The following HPS4 variants were observed in gnomAD, a reference collection of about 807,000 sequenced individuals.
HPS4 encodes the protein HPS4 biogenesis of lysosomal organelles complex 3 subunit 2, also known as BLOC-3 complex member HPS4.
A neutral mutation model predicts 70.3 loss-of-function variants in HPS4; 44 were observed. The observed-to-expected ratio is 0.63, with a 90% confidence interval of 0.49 to 0.80. HPS4 has a LOEUF of 0.80. Ranked by LOEUF, HPS4 falls within the 30% of genes least tolerant of loss-of-function variation. The pLI is 0.00. For missense variants in HPS4, 873 were observed against 884.4 expected, an observed-to-expected ratio of 0.99 and a Z score of 0.16; for synonymous variants, 377 against 355.9, an observed-to-expected ratio of 1.06 and a Z score of -0.67.
rs762613783 is a variant in HPS4, at chr22:26,464,301, G to A, written c.1329C>T (p.Leu443=). Residue 443 remains leucine, a synonymous_variant, in exon 11 of 14, where the codon CTC becomes CTT. Transcript: ENST00000398145. ...GGCTGCTATGGCCAGGATGGTCTTC[G>A]AGCTGCTCTTGGGCTCCATGCTGGG... ...MLTQHGAQEQ[L]EDHPGHSSQA... 24 of 1,613,942 alleles carry A rather than the reference G, an allele frequency of 1.5e-5. No homozygotes were observed. Among genetic ancestry groups the A allele is most frequent in the East Asian group, 2.2e-5 (1 of 44,880 alleles).
At chr22:26,450,007 A>G (rs1415967194), downstream of HPS4, among the ~76,000 whole-genome samples, 1 of 152,308 alleles carries the variant, frequency 6.6e-6, no homozygotes, top group East Asian at 1.9e-4. Flanking sequence ...TGGCGGCCAC[A>G]TCACTCCAGT....
intron 2 of HPS4, among the ~76,000 whole-genome samples, chr22:26,479,946 C>G (rs1359966479): frequency 6.6e-6 from 1 of 152,192 alleles, no homozygotes; most frequent in East Asian, 1.9e-4. Flanking sequence ...CTCTGAACTC[C>G]TCTCTACCAT....
At chr22:26,461,232 A>G (rs934828101) in intron 11 of HPS4, among the ~76,000 whole-genome samples, 2 of 152,234 alleles carry the variant, frequency 1.3e-5, no homozygotes, top group African/African-American at 4.8e-5. Context: ...GTTTTTTCAT[A>G]AAATGTTTTA....
intron 11 of HPS4, among the ~76,000 whole-genome samples, chr22:26,462,031 T>A (rs550570877): frequency 6.6e-6 from 1 of 150,396 alleles, no homozygotes; most frequent in Admixed American, 6.7e-5. Context: ...GAGGTTGAGG[T>A]AGGAGAACCG....
At position 26,452,026 on chromosome 22, in the gene HPS4, ACACACACACACACACACT is replaced by A. The variant is rs2085309021; in HGVS notation, c.*1189_*1206del. On this transcript the variant is annotated 3_prime_UTR_variant, in exon 14 of 14. Transcript: ENST00000398145. The stretch of plus-strand genomic sequence containing the variant: ...CGCGCACACACACACACACACACAC[ACACACACACACACACACT>A]GTCTTAACCCTTACCTTTGTCACAA... 1.4e-5 allele frequency: 4 copies of A among 292,510 alleles called. No individual in the cohort carries two copies. The highest frequency in any genetic ancestry group is 1.3e-3 in the Middle Eastern group (1 of 772). 18.1% of individuals were successfully genotyped at this position (292,510 alleles called of 1,614,324 possible).
At chr22:26,446,366 G>T (rs1369476861), downstream of HPS4, among the ~76,000 whole-genome samples, 1 of 152,166 alleles carries the variant, frequency 6.6e-6, no homozygotes, top group African/African-American at 2.4e-5. Flanking sequence ...GATTAAACTT[G>T]TAACACTGAG....
chr22:26,460,937 T>C (rs959690871), intron 11 of HPS4, among the ~76,000 whole-genome samples: 1 of 152,284 alleles, frequency 6.6e-6, no homozygotes, highest in African/African-American at 2.4e-5. Flanking sequence ...ATGGCTGTTT[T>C]TGTACTGCAA....
At chr22:26,445,194 T>G (rs1431722235) in intron 3 of HPS4, among the ~76,000 whole-genome samples, 2 of 151,958 alleles carry the variant, frequency 1.3e-5, no homozygotes, top group Non-Finnish European at 2.9e-5. Flanking sequence ...ACTAGCTGAG[T>G]GTGGTGGTGC....
downstream of HPS4, among the ~76,000 whole-genome samples, chr22:26,450,825 A>G (rs1202697686): frequency 6.6e-6 from 1 of 152,178 alleles, no homozygotes; most frequent in African/African-American, 2.4e-5. Flanking sequence ...TTCTGCCATG[A>G]TCATAAGTTT....
chr22:26,481,441 T>C (rs2091276710), intron 2 of HPS4, among the ~76,000 whole-genome samples: 1 of 152,174 alleles, frequency 6.6e-6, no homozygotes, highest in Non-Finnish European at 1.5e-5. Flanking sequence ...ATATTCACAT[T>C]ATCATCAAAG....
At chr22:26,481,571 C>CGCAAGGTTAAA (rs2091290693) in intron 2 of HPS4, 151 bp downstream of exon 2, 1 of 733,634 alleles carries the variant, frequency 1.4e-6, no homozygotes, top group African/African-American at 1.7e-5. Context: ...AGCGATGGCT[C>CGCAAGGTTAAA]ACGTGCTTGA....
rs2146546384 is a variant in HPS4 at position 26,464,238 on chromosome 22, C to A, written c.1392G>T (p.Arg464Ser). 1 of 1,614,200 alleles carries A rather than the reference C, an allele frequency of 6.2e-7. No individual in the cohort carries two copies. The highest frequency in any genetic ancestry group is 2.2e-5 in the East Asian group (1 of 44,878). The change falls in exon 11 of 14, where the codon AGG becomes AGT. Residue 464 changes from arginine to serine, a missense_variant. By Grantham distance (110) the Arg-to-Ser change is moderately radical (BLOSUM62 -1). Coordinates refer to ENST00000398145, the MANE Select transcript of HPS4 (RefSeq NM_022081.6). The stretch of plus-strand genomic sequence containing the variant: ...GAGGCAATAACAAGGGCCTGCGGGT[C>A]CTTCTGGGGAGAGGGTCTGCTCTGG... The part of the protein sequence containing the change: ...PIPRADPLPR[R>S]TRRPLLLPRL...
intron 13 of HPS4, among the ~76,000 whole-genome samples, chr22:26,455,719 T>C (rs1286914515): frequency 1.3e-5 from 2 of 151,630 alleles, no homozygotes; most frequent in Non-Finnish European, 2.9e-5. Flanking sequence ...ACATGTACCC[T>C]AAAACTTATA....
Position 26,451,270 on chromosome 22 carries a change from C to T in HPS4, c.*1963G>A, listed in dbSNP as rs377464803. Among the ~76,000 whole-genome samples the T allele has an allele frequency of 2.6e-5, 4 of 152,300 alleles. No individual in the cohort carries two copies. The highest frequency in any genetic ancestry group is 9.6e-5 in the African/African-American group (4 of 41,554). ...ATGGGCCTGGGGCTGTGGGATTAAC[C>T]GTGTCCTGAGTGACCCCCTGAAACC... On this transcript the variant is annotated 3_prime_UTR_variant, in exon 14 of 14. Transcript: ENST00000398145.
downstream of HPS4, among the ~76,000 whole-genome samples, chr22:26,449,577 C>T (rs377341540): frequency 9.9e-5 from 15 of 152,026 alleles, no homozygotes; most frequent in East Asian, 5.8e-4. Context: ...GTGATCCACC[C>T]GCCTCGGCCT....
chr22:26,453,594 C>A, intron 13 of HPS4, 190 bp from the exon 14 acceptor site: 1 of 658,670 alleles, frequency 1.5e-6, no homozygotes. Context: ...TCTTTCCTTC[C>A]TTTCAGCTCA....
intron 2 of HPS4, 132 bp downstream of exon 2, chr22:26,481,590 C>T: frequency 1.2e-6 from 1 of 840,496 alleles, no homozygotes; most frequent in South Asian, 1.4e-5. Flanking sequence ...GATTCAGCTG[C>T]TCTGAGGAAA....
rs2085326408 is a variant in HPS4, at chr22:26,452,125, C to A, written c.*1108G>T. The A allele has an allele frequency of 2.9e-6, 1 of 342,244 alleles. No homozygotes were observed. The highest frequency in any genetic ancestry group is 7.7e-5 in the East Asian group (1 of 12,940). The allele number at this position is 342,244 out of a possible 1,614,324, so 21.2% of individuals were successfully genotyped here. On this transcript the variant is annotated 3_prime_UTR_variant, in exon 14 of 14. Transcript: ENST00000398145. ...CCAGCATTTTTTGGCTATTTTATTT[C>A]TAGCCCTTGGAAGCTTGTTTCAAGA...
downstream of HPS4, chr22:26,443,360 C>T (rs2084871507): frequency 8.1e-6 from 5 of 620,136 alleles, no homozygotes; most frequent in Non-Finnish European, 1.4e-5. Flanking sequence ...TCGGGTCCCT[C>T]TTTCCCTTGG....
Sources: gnomAD v4.1 joint callset for allele counts (sites outside exome capture counted in the v4.1 genomes callset) on GRCh38, gnomAD v4.1.1 for gene constraint, MANE v1.5 for transcripts, NCBI Gene and HGNC (gene_info 2026-07-23, HGNC 2026-07-21) for gene names.